WDR59: variants seen among roughly 807,000 people sequenced by gnomAD.
WDR59 encodes GATOR2 complex protein WDR59.
In WDR59, 100 loss-of-function variants were observed where a neutral mutation model predicts 131.2. That is an observed-to-expected ratio of 0.76 (90% CI 0.65 to 0.90). WDR59 has a LOEUF of 0.90. WDR59 is among the 40% of genes least tolerant of loss of function. The pLI is 0.00. For synonymous variants in WDR59, 601 were observed against 466.2 expected (o/e 1.29, Z -3.72); for missense variants, 1,203 against 1,262.2 (o/e 0.95, Z 0.71).
chr16:74,911,472 C>G (rs1323591763), intron 14 of WDR59, among the ~76,000 whole-genome samples: 2 of 152,332 alleles, frequency 1.3e-5, no homozygotes, highest in East Asian at 1.9e-4. Context: ...AGTCCCTTCA[C>G]TTGTGACACT....
chr16:74,984,952 C>T lies in WDR59; in HGVS notation c.54+12G>A. On this transcript the variant is annotated intron_variant, in intron 1 of 25. Coordinates refer to ENST00000262144, the MANE Select transcript of WDR59 (RefSeq NM_030581.4). Reference sequence around the variant, plus strand: ...CGCATGCCCAGAGGGCTCCACTCGGCCTCTAGCTCACCTGGGAGTCACGGA... The same window carrying T: ...CGCATGCCCAGAGGGCTCCACTCGGTCTCTAGCTCACCTGGGAGTCACGGA... 6.2e-7 allele frequency: 1 copy of T among 1,603,136 alleles called. No homozygotes were observed. The highest frequency in any genetic ancestry group is 8.5e-7 in the Non-Finnish European group (1 of 1,175,152).
In WDR59 at chr16:74,916,119, C is replaced by A; in HGVS notation, c.1099+8G>T. 1 of 1,614,214 alleles carries A rather than the reference C, an allele frequency of 6.2e-7. No individual in the cohort carries two copies. Among genetic ancestry groups the A allele is most frequent in the Non-Finnish European group, 8.5e-7 (1 of 1,180,036 alleles). On this transcript the variant is annotated splice_region_variant and intron_variant, in intron 12 of 25. Transcript: ENST00000262144. ...CACCTTACCTGAGACATCAGTTTGACAAATTACCTTCTTCCTCCCCATGGC... is the reference window on the plus strand; with the variant it reads ...CACCTTACCTGAGACATCAGTTTGAAAAATTACCTTCTTCCTCCCCATGGC...
At chr16:74,905,370 C>T (rs184901632) in intron 17 of WDR59, among the ~76,000 whole-genome samples, 76 of 141,122 alleles carry the variant, frequency 5.4e-4, no homozygotes, top group Admixed American at 4.0e-3. Context: ...AGCGAAACTC[C>T]GTCTCAAAAA....
intron 17 of WDR59, 63 bp downstream of exon 17, chr16:74,908,845 C>T (rs1356393792): frequency 6.9e-7 from 1 of 1,441,076 alleles, no homozygotes; most frequent in East Asian, 2.3e-5. Flanking sequence ...GTGGTCCTTC[C>T]CAGGTCTCTG....
intron 13 of WDR59, among the ~76,000 whole-genome samples, chr16:74,915,256 T>G (rs1479968438): frequency 6.6e-6 from 1 of 152,026 alleles, no homozygotes; most frequent in African/African-American, 2.4e-5. Flanking sequence ...TCACTAAGCC[T>G]CCAGGGCCTA....
chr16:74,984,885 C>T, intron 1 of WDR59, 79 bp downstream of exon 1: 1 of 1,558,566 alleles, frequency 6.4e-7, no homozygotes, highest in Admixed American at 1.9e-5. Flanking sequence ...CGTAGCCCCC[C>T]GGGACGGAAG....
At chr16:74,929,488 C>A (rs62061362) in intron 8 of WDR59, among the ~76,000 whole-genome samples, 47,327 of 152,128 alleles carry the variant, frequency 0.31, 9,252 homozygotes, top group East Asian at 0.62. Flanking sequence ...GATATCATCT[C>A]ACACCGATTA....
At chr16:74,942,074 G>A (rs2032275059) in intron 7 of WDR59, among the ~76,000 whole-genome samples, 1 of 152,056 alleles carries the variant, frequency 6.6e-6, no homozygotes. Context: ...CCTTTTCCCT[G>A]TGCCACGACC....
intron 6 of WDR59, among the ~76,000 whole-genome samples, chr16:74,947,649 A>G (rs1460898932): frequency 1.3e-5 from 2 of 152,216 alleles, no homozygotes; most frequent in Non-Finnish European, 2.9e-5. Flanking sequence ...CTGCTTAGAT[A>G]CTTGATGATA....
intron 1 of WDR59, among the ~76,000 whole-genome samples, chr16:74,984,248 G>A (rs1010479777): frequency 1.3e-5 from 2 of 152,174 alleles, no homozygotes; most frequent in Admixed American, 6.5e-5. Context: ...CTGCACTCCA[G>A]CCTGGGCAAC....
chr16:74,935,005 G>C (rs1443019795), intron 8 of WDR59, among the ~76,000 whole-genome samples: 1 of 152,004 alleles, frequency 6.6e-6, no homozygotes, highest in African/African-American at 2.4e-5. Flanking sequence ...GAGACAGGGA[G>C]AATGCTTGAG....
At chr16:74,897,505 C>A (rs1195683309) in intron 18 of WDR59, among the ~76,000 whole-genome samples, 1 of 152,184 alleles carries the variant, frequency 6.6e-6, no homozygotes, top group Non-Finnish European at 1.5e-5. Context: ...TGCAATGATT[C>A]TTCAATGAAT....
At chr16:74,970,526 A>AAAAAAAAC (rs1210461650) in intron 1 of WDR59, among the ~76,000 whole-genome samples, 1 of 143,202 alleles carries the variant, frequency 7.0e-6, no homozygotes, top group Non-Finnish European at 1.5e-5. Context: ...AAAAAAAAAA[A>AAAAAAAAC]AGCAGCTCTC....
chr16:74,876,103 C>T (rs1157244826), intron 25 of WDR59, among the ~76,000 whole-genome samples: 2 of 152,090 alleles, frequency 1.3e-5, no homozygotes, highest in Non-Finnish European at 2.9e-5. Context: ...AGGGAGGGTC[C>T]TTTCTTCTAG....
At chr16:74,921,916 G>A (rs1309804932) in intron 10 of WDR59, 31 bp downstream of exon 10, 14 of 1,607,204 alleles carry the variant, frequency 8.7e-6, no homozygotes, top group African/African-American at 1.3e-5. Flanking sequence ...GAGCTCAGAA[G>A]GAAAGTGGGC....
At chr16:74,923,468 AATTT>A (rs2030459842) in intron 9 of WDR59, among the ~76,000 whole-genome samples, 1 of 151,918 alleles carries the variant, frequency 6.6e-6, no homozygotes, top group Non-Finnish European at 1.5e-5. Context: ...TCCAGGAATA[AATTT>A]ATTTTATTTT....
intron 13 of WDR59, among the ~76,000 whole-genome samples, chr16:74,912,750 G>A (rs1377860541): frequency 6.6e-6 from 1 of 152,198 alleles, no homozygotes; most frequent in Non-Finnish European, 1.5e-5. Context: ...GCAAGCCAGT[G>A]ATAAGCATTG....
chr16:74,901,136 A>G (rs1408512278), intron 18 of WDR59, among the ~76,000 whole-genome samples: 1 of 151,998 alleles, frequency 6.6e-6, no homozygotes, highest in Non-Finnish European at 1.5e-5. Context: ...TGGCTGGGTG[A>G]GATGGCTCAT....
chr16:74,885,939 G>T, intron 24 of WDR59, 144 bp from the exon 25 acceptor site: 1 of 1,002,322 alleles, frequency 1.0e-6, no homozygotes, highest in Non-Finnish European at 1.4e-6. Flanking sequence ...CACTTTGGGA[G>T]GCTGAGGCGG....
Sources: gnomAD v4.1 joint callset for allele counts (sites outside exome capture counted in the v4.1 genomes callset) on GRCh38, gnomAD v4.1.1 for gene constraint, MANE v1.5 for transcripts, NCBI Gene and HGNC (gene_info 2026-07-23, HGNC 2026-07-21) for gene names.